MYO5B: variants seen among roughly 807,000 people sequenced by gnomAD.
MYO5B encodes the protein unconventional myosin-Vb.
MYO5B carries 143 observed loss-of-function variants against 229.3 expected under a neutral mutation model. The ratio of observed to expected loss-of-function variants is 0.62; its 90% CI spans 0.54 to 0.72. The LOEUF (loss-of-function observed/expected upper bound fraction) is 0.72, where lower values mean the gene tolerates loss of function less well. Ranked by LOEUF, MYO5B falls within the 30% of genes least tolerant of loss-of-function variation. The probability of loss-of-function intolerance (pLI) is 0.00; values close to 1 mark genes in which losing one functional copy is unlikely to be tolerated. For missense variants in MYO5B, 2,321 were observed against 2,331.0 expected (o/e 1.00, Z 0.09); for synonymous variants, 918 against 885.2 (o/e 1.04, Z -0.66).
At chr18:50,176,207 A>G (rs2032994486) in intron 1 of MYO5B, among the ~76,000 whole-genome samples, 1 of 152,184 alleles carries the variant, frequency 6.6e-6, no homozygotes, top group Non-Finnish European at 1.5e-5. Flanking sequence ...TCAATATTAA[A>G]GCAAAAATCA....
In MYO5B at chr18:50,194,936, T is replaced by C. The variant is rs2033282334; in HGVS notation, c.-143A>G. The C allele has an allele frequency of 3.7e-6, 4 of 1,090,732 alleles. No individual in the cohort carries two copies. The highest frequency in any genetic ancestry group is 4.6e-6 in the Non-Finnish European group (4 of 872,406). 67.6% of individuals were successfully genotyped at this position (1,090,732 alleles called of 1,614,324 possible). ...CTCTTCTCCGACCTGCCCCGCCGGC[T>C]TCCCGCAGGCGCCGCGGCCGGCTCG... On this transcript the variant is annotated 5_prime_UTR_variant, in exon 1 of 40. Coordinates refer to ENST00000285039, the MANE Select transcript of MYO5B (RefSeq NM_001080467.3).
Position 49,963,020 on chromosome 18 carries a change from A to G in MYO5B, c.1333T>C (p.Phe445Leu), listed in dbSNP as rs757051892. The G allele has an allele frequency of 1.9e-6, 3 of 1,613,882 alleles. No individual in the cohort carries two copies. Among genetic ancestry groups the G allele is most frequent in the Non-Finnish European group, 2.5e-6 (3 of 1,179,754 alleles). ...AACTGCTCAAAGCTGTTTACCTCAA[A>G]TGTCTCAAACCTACAGAATGGAAAG... ...GVLDIYGFET[F>L]EVNSFEQFCI... Residue 445 changes from phenylalanine (F) to leucine (L), a missense_variant, in exon 11 of 40, where the codon TTT (phenylalanine) becomes CTT (leucine). This residue lies in a region of MYO5B where 2,113 missense variants were observed against 2,044.7 expected (regional missense o/e 1.03). Coordinates refer to ENST00000285039, the MANE Select transcript of MYO5B (RefSeq NM_001080467.3).
At chr18:49,943,091 T>G (rs2144225061) in intron 14 of MYO5B, among the ~76,000 whole-genome samples, 1 of 151,810 alleles carries the variant, frequency 6.6e-6, no homozygotes, top group East Asian at 1.9e-4. Flanking sequence ...CTGGAAACCA[T>G]CATTCTCAGC....
At chr18:50,148,103 C>G (rs1464987171) in intron 1 of MYO5B, among the ~76,000 whole-genome samples, 3 of 150,262 alleles carry the variant, frequency 2.0e-5, no homozygotes, top group Admixed American at 6.6e-5. Flanking sequence ...ATACATTCCT[C>G]GACACATACA....
intron 1 of MYO5B, among the ~76,000 whole-genome samples, chr18:50,081,975 T>C (rs773243006): frequency 6.6e-6 from 1 of 152,232 alleles, no homozygotes; most frequent in Non-Finnish European, 1.5e-5. Context: ...TTTAACAAAA[T>C]TCTTTTCTAA....
chr18:49,828,924 CTCAAA>C (rs1342352023), intron 39 of MYO5B, among the ~76,000 whole-genome samples: 2 of 150,192 alleles, frequency 1.3e-5, no homozygotes, highest in African/African-American at 4.9e-5. Flanking sequence ...AAAAAAAAAT[CTCAAA>C]TCAATAACCT....
chr18:49,869,639 C>T (rs2024435663), intron 27 of MYO5B, among the ~76,000 whole-genome samples: 1 of 152,204 alleles, frequency 6.6e-6, no homozygotes, highest in Non-Finnish European at 1.5e-5. Context: ...TCCTCAAGGA[C>T]AGCTAAATGA....
intron 23 of MYO5B, 48 bp downstream of exon 23, chr18:49,880,323 G>T: frequency 6.6e-7 from 1 of 1,518,536 alleles, no homozygotes; most frequent in South Asian, 1.1e-5. Context: ...AGTCAGTGAG[G>T]AAAAGAGATT....
Position 49,936,298 on chromosome 18 carries a change from G to A in MYO5B, c.1957C>T (p.His653Tyr). 2 of 1,604,380 alleles carry A rather than the reference G, an allele frequency of 1.2e-6. No homozygotes were observed. Among genetic ancestry groups the A allele is most frequent in the South Asian group, 1.1e-5 (1 of 89,112 alleles). The part of the protein sequence containing the change: ...LMETLNATTP[H>Y]YVRCIKPNDE... ...TTGGGCTTGATGCAGCGGACATAGT[G>A]AGGTGTCGTGGCATTCAGGGTCTCC... Residue 653 changes from histidine (H) to tyrosine (Y), a missense_variant, in exon 16 of 40, where the codon CAC (histidine) becomes TAC (tyrosine). By Grantham distance (83) the His-to-Tyr change is moderately conservative. Coordinates refer to ENST00000285039, the MANE Select transcript of MYO5B (RefSeq NM_001080467.3).
In MYO5B at chr18:50,194,960, C is replaced by A; in HGVS notation, c.-167G>T. 1.9e-6 allele frequency: 2 copies of A among 1,030,562 alleles called. No homozygotes were observed. The highest frequency in any genetic ancestry group is 2.5e-6 in the Non-Finnish European group (2 of 813,120). The allele number at this position is 1,030,562 out of a possible 1,614,324, so 63.8% of individuals were successfully genotyped here. On this transcript the variant is annotated 5_prime_UTR_variant, in exon 1 of 40. Transcript: ENST00000285039. ...CTTCCCGCAGGCGCCGCGGCCGGCT[C>A]GCTCCCGGCGGCGCGACCTTTACTC...
At chr18:49,901,981 C>T (rs1305763192) in intron 21 of MYO5B, among the ~76,000 whole-genome samples, 1 of 152,266 alleles carries the variant, frequency 6.6e-6, no homozygotes, top group South Asian at 2.1e-4. Context: ...CCAGCTGCTG[C>T]TGCATTACCC....
intron 38 of MYO5B, among the ~76,000 whole-genome samples, 157 bp from the exon 39 acceptor site, chr18:49,835,581 T>G (rs2023977962): frequency 6.6e-6 from 1 of 152,206 alleles, no homozygotes; most frequent in African/African-American, 2.4e-5. Context: ...ACTTGGAGCC[T>G]GCATCCAGGA....
intron 18 of MYO5B, among the ~76,000 whole-genome samples, chr18:49,907,467 C>A (rs1305254537): frequency 6.6e-6 from 1 of 152,196 alleles, no homozygotes; most frequent in African/African-American, 2.4e-5. Context: ...GACAACCCAG[C>A]AGGGTTCCTG....
chr18:50,181,549 T>C (rs752843665), intron 1 of MYO5B, among the ~76,000 whole-genome samples: 10 of 152,216 alleles, frequency 6.6e-5, no homozygotes, highest in Non-Finnish European at 1.5e-4. Context: ...GACAAAGATA[T>C]TGTCACCATA....
At chr18:50,042,262 AGG>A (rs1175149196) in intron 2 of MYO5B, among the ~76,000 whole-genome samples, 1 of 152,216 alleles carries the variant, frequency 6.6e-6, no homozygotes, top group Non-Finnish European at 1.5e-5. Context: ...GAAAAACTAC[AGG>A]GACAGTCAGG....
chr18:50,109,266 G>A (rs967748884), intron 1 of MYO5B, among the ~76,000 whole-genome samples: 1 of 152,056 alleles, frequency 6.6e-6, no homozygotes, highest in Non-Finnish European at 1.5e-5. Flanking sequence ...AATTTGTTAC[G>A]GGACCAGCAG....
chr18:50,178,816 G>T (rs879384520), intron 1 of MYO5B, among the ~76,000 whole-genome samples: 10 of 152,286 alleles, frequency 6.6e-5, no homozygotes, highest in Admixed American at 3.3e-4. Context: ...TCTCTCCACG[G>T]CTAGTGTTGT....
intron 1 of MYO5B, among the ~76,000 whole-genome samples, chr18:50,064,672 T>C (rs1454783208): frequency 6.6e-6 from 1 of 152,232 alleles, no homozygotes; most frequent in Non-Finnish European, 1.5e-5. Context: ...CATTCTCATC[T>C]CTATAAAAGA....
In MYO5B at chr18:49,937,331, C is replaced by T; in HGVS notation, c.1819G>A (p.Gly607Arg). 6.2e-7 allele frequency: 1 copy of T among 1,614,064 alleles called. No individual in the cohort carries two copies. The highest frequency in any genetic ancestry group is 8.5e-7 in the Non-Finnish European group (1 of 1,179,974). Reference protein sequence around the residue: ...DPVPATTPGKGSSSKISVRSA... With the variant: ...DPVPATTPGKRSSSKISVRSA... ...CGGACGCTGATCTTCGAAGATGACC[C>T]CTTCCCAGGGGTGGTGGCAGGAACA... The change falls in exon 15 of 40, where the codon GGG (glycine) becomes AGG (arginine). Residue 607 changes from glycine to arginine, a missense_variant. This residue lies in a region of MYO5B where 2,113 missense variants were observed against 2,044.7 expected (regional missense o/e 1.03). Coordinates refer to ENST00000285039, the MANE Select transcript of MYO5B (RefSeq NM_001080467.3).
Sources: allele counts gnomAD v4.1 joint callset (sites outside exome capture counted in the v4.1 genomes callset), GRCh38; gene constraint gnomAD v4.1.1; regional missense constraint gnomAD v4.1.1; transcripts MANE v1.5; gene names NCBI Gene and HGNC (gene_info 2026-07-23, HGNC 2026-07-21).